NFIB: variants seen among roughly 807,000 people sequenced by gnomAD.
The protein encoded by NFIB is nuclear factor 1 B-type.
Under a neutral mutation model 61.5 loss-of-function variants are expected in NFIB, and 11 were observed. The ratio of observed to expected loss-of-function variants is 0.18; its 90% CI spans 0.11 to 0.30. The LOEUF (loss-of-function observed/expected upper bound fraction) is 0.30, where lower values mean the gene tolerates loss of function less well. Among genes scored for constraint, NFIB ranks in the 10% least tolerant of loss-of-function variants. The pLI, the probability that NFIB is intolerant of heterozygous loss-of-function variation, is 1.00. For synonymous variants in NFIB, 260 were observed against 216.5 expected (o/e 1.20, Z -1.76); for missense variants, 471 against 608.9 (o/e 0.77, Z 2.38).
At chr9:14,187,297 G>A (rs192080129) in intron 2 of NFIB, among the ~76,000 whole-genome samples, 1 of 152,114 alleles carries the variant, frequency 6.6e-6, no homozygotes, top group Admixed American at 6.6e-5. Flanking sequence ...ACCCAGTTCT[G>A]AGCAATAAGA....
At chr9:14,369,155 G>A (rs929513631) in intron 1 of NFIB, among the ~76,000 whole-genome samples, 3 of 152,206 alleles carry the variant, frequency 2.0e-5, no homozygotes, top group African/African-American at 4.8e-5. Flanking sequence ...GCAGCTAAGC[G>A]AGGTTAAACA....
intron 2 of NFIB, among the ~76,000 whole-genome samples, chr9:14,222,156 T>C (rs1587720540): frequency 1.3e-5 from 2 of 152,244 alleles, no homozygotes; most frequent in African/African-American, 4.8e-5. Flanking sequence ...CCAGTTCATC[T>C]TTCCAAAACA....
the NFIB span, among the ~76,000 whole-genome samples, chr9:14,519,520 C>T: frequency 6.6e-6 from 1 of 152,098 alleles, no homozygotes; most frequent in Non-Finnish European, 1.5e-5. Flanking sequence ...TGTGTGTTTT[C>T]TTGGCGGGGG....
upstream of NFIB, chr9:14,314,240 T>A (rs993758684): frequency 2.7e-6 from 2 of 745,176 alleles, no homozygotes; most frequent in Non-Finnish European, 3.3e-6. Flanking sequence ...GCGCGAGCGC[T>A]GATCTCTGGG....
the NFIB span, among the ~76,000 whole-genome samples, chr9:14,454,089 A>G: frequency 6.6e-6 from 1 of 152,174 alleles, no homozygotes; most frequent in Non-Finnish European, 1.5e-5. Context: ...TACAATATAT[A>G]TTACACATTT....
chr9:14,275,015 G>C (rs2057899411), intron 2 of NFIB, among the ~76,000 whole-genome samples: 1 of 152,204 alleles, frequency 6.6e-6, no homozygotes, highest in South Asian at 2.1e-4. Flanking sequence ...TCATGAGAAA[G>C]TCAAATCAAC....
intron 1 of NFIB, among the ~76,000 whole-genome samples, chr9:14,398,333 C>T (rs983194696): frequency 6.6e-6 from 1 of 152,156 alleles, no homozygotes; most frequent in African/African-American, 2.4e-5. Flanking sequence ...GTTACCATTT[C>T]CAAATAATCC....
Position 14,319,182 on chromosome 9 carries a change from CACT to C in NFIB, c.109-11665_109-11663del, listed in dbSNP as rs1215326616. Among the ~76,000 whole-genome samples the C allele has an allele frequency of 4.0e-5, 6 of 151,144 alleles. No homozygotes were observed. The East Asian group carries it at 7.7e-4, about 20-fold the overall frequency. On this transcript the variant is annotated intron_variant, in intron 1 of 8. Transcript: ENST00000380934. ...TGTCACTGCCGAAATGCCTCTACTC[CACT>C]GTTTAAAAAAAAAAAAAAAGCATCC... is the stretch of plus-strand genomic sequence containing the variant.
intron 2 of NFIB, among the ~76,000 whole-genome samples, chr9:14,182,034 G>A (rs573563967): frequency 3.9e-5 from 6 of 152,136 alleles, no homozygotes; most frequent in Non-Finnish European, 7.4e-5. Context: ...TCTTCCATTC[G>A]TAAGAAACTA....
chr9:14,465,890 T>C, the NFIB span, among the ~76,000 whole-genome samples: 1 of 152,150 alleles, frequency 6.6e-6, no homozygotes, highest in Non-Finnish European at 1.5e-5. Context: ...CTCCCAGTTG[T>C]GACAATCGAA....
At chr9:14,158,885 A>G (rs1325170709) in intron 3 of NFIB, among the ~76,000 whole-genome samples, 1 of 152,252 alleles carries the variant, frequency 6.6e-6, no homozygotes, top group Non-Finnish European at 1.5e-5. Context: ...TTTAAATAGT[A>G]AGAGCCCAAA....
At chr9:14,159,474 C>T (rs1587147981) in intron 3 of NFIB, among the ~76,000 whole-genome samples, 1 of 152,098 alleles carries the variant, frequency 6.6e-6, no homozygotes, top group South Asian at 2.1e-4. Flanking sequence ...GTGATGATGC[C>T]TATTAACCAT....
intron 1 of NFIB, among the ~76,000 whole-genome samples, chr9:14,312,216 A>G (rs912198205): frequency 6.6e-6 from 1 of 152,228 alleles, no homozygotes; most frequent in Non-Finnish European, 1.5e-5. Flanking sequence ...ATCTTCATTC[A>G]CAATTTATGA....
chr9:14,445,682 G>C, the NFIB span, among the ~76,000 whole-genome samples: 1 of 152,120 alleles, frequency 6.6e-6, no homozygotes, highest in East Asian at 1.9e-4. Context: ...GTCTAATTTG[G>C]TCATTATGTT....
At chr9:14,479,577 C>T in the NFIB span, among the ~76,000 whole-genome samples, 1 of 152,168 alleles carries the variant, frequency 6.6e-6, no homozygotes, top group Non-Finnish European at 1.5e-5. Flanking sequence ...CCACTGAGTA[C>T]TATTTGGGGA....
intron 6 of NFIB, among the ~76,000 whole-genome samples, chr9:14,144,033 T>TGTGTGTGTGTGTGTGTGTGTGTGTG (rs55863803): frequency 2.0e-5 from 3 of 149,972 alleles, no homozygotes; most frequent in South Asian, 2.1e-4. Flanking sequence ...TGTGTGTGTG[T>TGTGTGTGTGTGTGTGTGTGTGTGTG]TTAAAATGCA....
chr9:14,240,001 G>GT (rs1454102890), intron 2 of NFIB, among the ~76,000 whole-genome samples: 1 of 151,800 alleles, frequency 6.6e-6, no homozygotes, highest in Non-Finnish European at 1.5e-5. Flanking sequence ...GAGGAATATG[G>GT]TTTCCACTTA....
At chr9:14,437,596 GCTGCTCTT>G in the NFIB span, among the ~76,000 whole-genome samples, 1 of 152,166 alleles carries the variant, frequency 6.6e-6, no homozygotes, top group African/African-American at 2.4e-5. Flanking sequence ...GCTTCCTGGA[GCTGCTCTT>G]CTGATGGAGT....
chr9:14,131,148 A>C (rs1331328507), intron 6 of NFIB, among the ~76,000 whole-genome samples: 1 of 152,206 alleles, frequency 6.6e-6, no homozygotes, highest in Non-Finnish European at 1.5e-5. Flanking sequence ...GTTATTCTTC[A>C]ATGTGTACAC....
Sources: gnomAD v4.1 joint callset for allele counts (sites outside exome capture counted in the v4.1 genomes callset) on GRCh38, gnomAD v4.1.1 for gene constraint, MANE v1.5 for transcripts, NCBI Gene and HGNC (gene_info 2026-07-23, HGNC 2026-07-21) for gene names.